PTH2R: variants seen among roughly 807,000 people sequenced by gnomAD.
PTH2R encodes the protein PTH2 receptor.
Under a neutral mutation model 60.3 loss-of-function variants are expected in PTH2R, and 59 were observed. The observed-to-expected ratio is 0.98, with a 90% CI of 0.79 to 1.22. PTH2R has a LOEUF of 1.22. Ranked by LOEUF, PTH2R falls within the 50% of genes most tolerant of loss-of-function variation. PTH2R has a pLI of 0.00. For missense variants in PTH2R, 749 were observed against 682.6 expected, an observed-to-expected ratio of 1.10 and a Z score of -1.08; for synonymous variants, 256 against 243.8, an observed-to-expected ratio of 1.05 and a Z score of -0.47.
upstream of PTH2R, among the ~76,000 whole-genome samples, chr2:208,404,254 C>T (rs10188685): frequency 0.071 from 10,804 of 152,190 alleles, 463 homozygotes; most frequent in Non-Finnish European, 0.094. Flanking sequence ...ACAAGTAGGG[C>T]AGTGTAGATT....
At chr2:208,367,674 A>G (rs1446360874) in intron 1 of PTH2R, among the ~76,000 whole-genome samples, 1 of 152,092 alleles carries the variant, frequency 6.6e-6, no homozygotes, top group African/African-American at 2.4e-5. Context: ...CCAGCCTCAA[A>G]TTTAAGAAGA....
intron 2 of PTH2R, among the ~76,000 whole-genome samples, chr2:208,434,803 A>G (rs1702042828): frequency 6.6e-6 from 1 of 152,196 alleles, no homozygotes; most frequent in African/African-American, 2.4e-5. Flanking sequence ...AGTTGTTGGG[A>G]GAGGTGGAGT....
At chr2:208,482,692 C>T (rs932879860) in intron 10 of PTH2R, among the ~76,000 whole-genome samples, 2 of 152,268 alleles carry the variant, frequency 1.3e-5, no homozygotes, top group East Asian at 1.9e-4. Flanking sequence ...GCTAGACAAC[C>T]GGTTAGACCA....
At chr2:208,369,365 TCTC>T (rs1559199785) in intron 1 of PTH2R, among the ~76,000 whole-genome samples, 5 of 134,706 alleles carry the variant, frequency 3.7e-5, no homozygotes, top group African/African-American at 9.0e-5. Flanking sequence ...CACTGGTCTC[TCTC>T]TCTTTTTTTT....
At chr2:208,437,300 T>C (rs1230840946) in intron 2 of PTH2R, among the ~76,000 whole-genome samples, 1 of 152,210 alleles carries the variant, frequency 6.6e-6, no homozygotes, top group Non-Finnish European at 1.5e-5. Flanking sequence ...CTGGAATAAT[T>C]TGAATATTTT....
intron 1 of PTH2R, among the ~76,000 whole-genome samples, chr2:208,408,740 A>AGAAAGAGAGAGAAAGAGAGAGAGAGAGAG (rs1553542827): frequency 8.1e-6 from 1 of 123,316 alleles, no homozygotes. Context: ...GAGAGAGAGA[A>AGAAAGAGAGAGAAAGAGAGAGAGAGAGAG]AGAGAGAGAG....
At chr2:208,384,599 C>T (rs1700971522) in intron 1 of PTH2R, among the ~76,000 whole-genome samples, 1 of 152,158 alleles carries the variant, frequency 6.6e-6, no homozygotes, top group African/African-American at 2.4e-5. Flanking sequence ...TTTAAACACA[C>T]ACAGTTTTCT....
intron 7 of PTH2R, among the ~76,000 whole-genome samples, chr2:208,449,235 C>T (rs996627890): frequency 6.6e-6 from 1 of 152,152 alleles, no homozygotes; most frequent in African/African-American, 2.4e-5. Context: ...CTGTCCCCTC[C>T]CCATTACATA....
At chr2:208,400,163 AATATT>A (rs1361745979) in intron 1 of PTH2R, among the ~76,000 whole-genome samples, 3 of 152,194 alleles carry the variant, frequency 2.0e-5, no homozygotes, top group Admixed American at 2.0e-4. Flanking sequence ...ACCTTACTAA[AATATT>A]ATATTGTAGT....
At chr2:208,413,107 G>A (rs1574850715) in intron 1 of PTH2R, among the ~76,000 whole-genome samples, 2 of 150,140 alleles carry the variant, frequency 1.3e-5, no homozygotes, top group African/African-American at 2.4e-5. Context: ...AAACACAGAT[G>A]TAGTTATTTC....
chr2:208,402,926 A>AC (rs1559209414), upstream of PTH2R, among the ~76,000 whole-genome samples: 1 of 152,190 alleles, frequency 6.6e-6, no homozygotes. Flanking sequence ...GAAACAGAAG[A>AC]CCTAAGCTGA....
intron 1 of PTH2R, among the ~76,000 whole-genome samples, chr2:208,409,926 G>C (rs936719117): frequency 1.3e-5 from 2 of 152,162 alleles, no homozygotes; most frequent in African/African-American, 4.8e-5. Context: ...TTTATTAGGG[G>C]AGGAGGTAAT....
intron 1 of PTH2R, among the ~76,000 whole-genome samples, chr2:208,369,687 TA>T (rs1487828210): frequency 6.6e-6 from 1 of 152,000 alleles, no homozygotes; most frequent in African/African-American, 2.4e-5. Context: ...CAATAAGATA[TA>T]TAAAAGGTTC....
Position 208,406,995 on chromosome 2 carries a change from C to T in PTH2R, c.-49C>T, listed in dbSNP as rs75748137. ...CCAAGTTGGCAACTTGGAAGCTTCT[C>T]CCGGGCTCTGGAGGAGGGTCCCTGC... On this transcript the variant is annotated 5_prime_UTR_variant, in exon 1 of 13. Transcript: ENST00000272847. The T allele has an allele frequency of 7.4e-4, 1,006 of 1,354,158 alleles. 7 individuals carry two copies. The African/African-American group carries it at 0.014, about 19-fold the overall frequency. 83.9% of individuals were successfully genotyped at this position (1,354,158 alleles called of 1,614,324 possible). A position where few individuals can be genotyped will look rare whatever the true frequency, so the allele number is the denominator to read the frequency against.
intron 9 of PTH2R, among the ~76,000 whole-genome samples, chr2:208,460,779 A>G (rs925412374): frequency 6.6e-6 from 1 of 152,196 alleles, no homozygotes; most frequent in Non-Finnish European, 1.5e-5. Flanking sequence ...TGTAATACAT[A>G]TTACAAGCAT....
chr2:208,464,800 G>A (rs1450443914), intron 9 of PTH2R, among the ~76,000 whole-genome samples: 5 of 152,132 alleles, frequency 3.3e-5, no homozygotes, highest in African/African-American at 9.7e-5. Flanking sequence ...GCTCGCTTGA[G>A]GCCAGGGGTT....
intron 1 of PTH2R, among the ~76,000 whole-genome samples, chr2:208,367,055 G>T (rs1273905428): frequency 2.0e-5 from 3 of 151,926 alleles, no homozygotes; most frequent in Non-Finnish European, 4.4e-5. Flanking sequence ...TCAGGAGGCT[G>T]CCTGATTTTG....
intron 9 of PTH2R, among the ~76,000 whole-genome samples, chr2:208,466,050 A>G (rs1702744552): frequency 2.0e-5 from 3 of 152,204 alleles, no homozygotes; most frequent in African/African-American, 7.2e-5. Context: ...AAAAACAAAA[A>G]TGGAAAAACT....
chr2:208,390,077 G>A (rs1300919677), intron 1 of PTH2R, among the ~76,000 whole-genome samples: 1 of 152,174 alleles, frequency 6.6e-6, no homozygotes, highest in Non-Finnish European at 1.5e-5. Context: ...CCCCCCACTA[G>A]AGCTTCTGAT....
Sources: gnomAD v4.1 joint callset for allele counts (sites outside exome capture counted in the v4.1 genomes callset) on GRCh38, gnomAD v4.1.1 for gene constraint, MANE v1.5 for transcripts, NCBI Gene and HGNC (gene_info 2026-07-23, HGNC 2026-07-21) for gene names.